CRACR2A: variants seen among roughly 807,000 people sequenced by gnomAD.
CRACR2A encodes EF-hand calcium-binding domain-containing protein 4B.
A neutral mutation model predicts 90.5 loss-of-function variants in CRACR2A; 79 were observed. The observed-to-expected ratio is 0.87, with a 90% CI of 0.73 to 1.05. The LOEUF is 1.05. CRACR2A is among the 50% of genes least tolerant of loss of function. CRACR2A has a pLI of 0.00. For missense variants in CRACR2A, 823 were observed against 897.2 expected, an observed-to-expected ratio of 0.92 and a Z score of 1.06; for synonymous variants, 338 against 356.7, an observed-to-expected ratio of 0.95 and a Z score of 0.59.
At chr12:3,629,555 G>A (rs1359584868) in intron 15 of CRACR2A, among the ~76,000 whole-genome samples, 3 of 152,262 alleles carry the variant, frequency 2.0e-5, no homozygotes, top group Non-Finnish European at 4.4e-5. Context: ...GAGGACAGAG[G>A]CCTCTGCCTG....
chr12:3,717,931 C>T (rs1946104330), intron 2 of CRACR2A, among the ~76,000 whole-genome samples: 2 of 152,140 alleles, frequency 1.3e-5, no homozygotes, highest in South Asian at 4.1e-4. Context: ...TGCTCAGTTC[C>T]CATGTGACCC....
chr12:3,742,323 A>G (rs1004067418), intron 1 of CRACR2A, among the ~76,000 whole-genome samples: 1 of 151,860 alleles, frequency 6.6e-6, no homozygotes, highest in African/African-American at 2.4e-5. Flanking sequence ...ATCTTCTTCC[A>G]CTCTATAGCT....
chr12:3,619,420 C>G, intron 17 of CRACR2A, 48 bp from the exon 18 acceptor site: 1 of 1,463,226 alleles, frequency 6.8e-7, no homozygotes, highest in Non-Finnish European at 9.4e-7. Context: ...CATAGGATTG[C>G]CCAGAGGGCA....
chr12:3,698,171 C>T (rs1347395840), intron 3 of CRACR2A, among the ~76,000 whole-genome samples: 1 of 152,188 alleles, frequency 6.6e-6, no homozygotes, highest in Non-Finnish European at 1.5e-5. Flanking sequence ...GAAATAATAA[C>T]ATCCTTGGAT....
In CRACR2A at chr12:3,680,334, G is replaced by A; in HGVS notation, c.244C>T (p.Leu82=). 6.2e-7 allele frequency: 1 copy of A among 1,614,034 alleles called. No individual in the cohort carries two copies. Among genetic ancestry groups the A allele is most frequent in the South Asian group, 1.1e-5 (1 of 91,074 alleles). The change falls in exon 5 of 20, where the codon CTA becomes TTA. Residue 82 remains leucine (L), a synonymous_variant. Transcript: ENST00000440314. ...RKDMQRLHKE[L]PLSLEELEDV... ...TCCAGTTCCTCCAGGCTGAGCGGTAGCTCCTTATGCAGCCTCTGAAAACAA... is the reference window on the plus strand; with the variant it reads ...TCCAGTTCCTCCAGGCTGAGCGGTAACTCCTTATGCAGCCTCTGAAAACAA...
chr12:3,638,592 A>G, intron 13 of CRACR2A, 138 bp from the exon 14 acceptor site: 2 of 970,950 alleles, frequency 2.1e-6, no homozygotes, highest in Non-Finnish European at 2.9e-6. Context: ...GAGAGGGAAA[A>G]ACAAACCAGC....
intron 11 of CRACR2A, among the ~76,000 whole-genome samples, chr12:3,644,865 C>T (rs897922306): frequency 1.3e-5 from 2 of 152,152 alleles, no homozygotes; most frequent in Admixed American, 1.3e-4. Context: ...CCTTGAGACA[C>T]CCGTGGCCCA....
rs1944984286 is a variant in CRACR2A, at chr12:3,659,503, G to A, written c.762+61C>T. 2.7e-6 allele frequency: 4 copies of A among 1,484,642 alleles called. No individual in the cohort carries two copies. In the African/African-American group the frequency reaches 5.5e-5, roughly 21 times the overall value. The allele number at this position is 1,484,642 out of a possible 1,614,324, so 92.0% of individuals were successfully genotyped here. A position where few individuals can be genotyped will look rare whatever the true frequency, so the allele number is the denominator to read the frequency against. On this transcript the variant is annotated intron_variant, in intron 8 of 19. Transcript: ENST00000440314. ...GGGGGCACCAAAATCTTAAACCTGG[G>A]GGAGACAGAGCAGATATGTCAAGCT... is the stretch of plus-strand genomic sequence containing the variant.
At chr12:3,751,328 G>A (rs1482081018) in intron 1 of CRACR2A, among the ~76,000 whole-genome samples, 1 of 151,994 alleles carries the variant, frequency 6.6e-6, no homozygotes, top group African/African-American at 2.4e-5. Flanking sequence ...AACCCCTCAT[G>A]GTGACTGCAA....
At chr12:3,666,333 G>GTGTGTGTT (rs1945139611) in intron 7 of CRACR2A, among the ~76,000 whole-genome samples, 1 of 93,058 alleles carries the variant, frequency 1.1e-5, no homozygotes. Flanking sequence ...ACGGCTGCGT[G>GTGTGTGTT]TGTGTGTGTG....
At chr12:3,681,043 G>C (rs17780612) in intron 4 of CRACR2A, among the ~76,000 whole-genome samples, 1 of 151,902 alleles carries the variant, frequency 6.6e-6, no homozygotes, top group Non-Finnish European at 1.5e-5. Context: ...TTCCTCTCCC[G>C]TACCACGATG....
intron 19 of CRACR2A, 91 bp downstream of exon 19, chr12:3,616,863 G>A (rs1591629174): frequency 2.0e-6 from 2 of 1,013,406 alleles, no homozygotes; most frequent in Non-Finnish European, 1.5e-6. Context: ...GGTCAGAGGT[G>A]TGGCCTGGGT....
At chr12:3,689,941 G>T (rs906312244) in intron 4 of CRACR2A, among the ~76,000 whole-genome samples, 4 of 152,012 alleles carry the variant, frequency 2.6e-5, no homozygotes, top group African/African-American at 7.2e-5. Flanking sequence ...GTGCATAGAG[G>T]TGTCCATAAT....
Position 3,640,070 on chromosome 12 carries a change from C to CA in CRACR2A, c.1272-1617dup, listed in dbSNP as rs542812779. On this transcript the variant is annotated intron_variant, in intron 13 of 19. Transcript: ENST00000440314. Reference sequence around the variant, plus strand: ...ATAGTCACTTAAACAGGCATTAAAACAAAGCATTTCTTGGAAAAAGCTTTC... The same window carrying CA: ...ATAGTCACTTAAACAGGCATTAAAACAAAAGCATTTCTTGGAAAAAGCTTTC... Among the ~76,000 whole-genome samples, 704 of 152,308 alleles carry CA rather than the reference C, an allele frequency of 4.6e-3. 9 individuals are homozygous for CA. The highest frequency in any genetic ancestry group is 0.024 in the South Asian group (115 of 4,830).
At chr12:3,692,634 G>A (rs917744190) in intron 4 of CRACR2A, among the ~76,000 whole-genome samples, 2 of 152,180 alleles carry the variant, frequency 1.3e-5, no homozygotes, top group African/African-American at 4.8e-5. Flanking sequence ...TTCTTTGTAC[G>A]TGCCAACAGC....
At chr12:3,728,319 C>A (rs1312435346) in intron 2 of CRACR2A, 1 of 152,304 alleles carries the variant, frequency 6.6e-6, no homozygotes, top group Non-Finnish European at 1.5e-5. Context: ...CTCCCCAACC[C>A]CTCTGCCCGT....
chr12:3,666,368 C>CGCGT (rs1945148747), intron 7 of CRACR2A, among the ~76,000 whole-genome samples: 1 of 120,574 alleles, frequency 8.3e-6, no homozygotes. Flanking sequence ...TGCGTGTGCG[C>CGCGT]GTGCGCGCGC....
chr12:3,621,662 A>AAAAAAC (rs1944139612), intron 17 of CRACR2A, among the ~76,000 whole-genome samples: 9 of 140,178 alleles, frequency 6.4e-5, no homozygotes, highest in Non-Finnish European at 1.5e-5. Flanking sequence ...AAAAAAAAAA[A>AAAAAAC]AAAAAAAAAA....
chr12:3,657,931 C>T (rs550837967), intron 8 of CRACR2A, among the ~76,000 whole-genome samples: 6 of 152,316 alleles, frequency 3.9e-5, no homozygotes, highest in South Asian at 2.1e-4. Flanking sequence ...ATCCAAATTC[C>T]GGTCCGAGGG....
Sources: gnomAD v4.1 joint callset for allele counts (sites outside exome capture counted in the v4.1 genomes callset) on GRCh38, gnomAD v4.1.1 for gene constraint, MANE v1.5 for transcripts, NCBI Gene and HGNC (gene_info 2026-07-23, HGNC 2026-07-21) for gene names.